The following LSAMP variants were observed in gnomAD, a reference collection of about 807,000 sequenced individuals.
The protein encoded by LSAMP is limbic system associated membrane protein.
Under a neutral mutation model 38.6 loss-of-function variants are expected in LSAMP, and 7 were observed. The ratio of observed to expected loss-of-function variants is 0.18; its 90% CI spans 0.10 to 0.34. LSAMP has a LOEUF of 0.34. LSAMP is among the 10% of genes least tolerant of loss of function. The pLI is 1.00. For missense variants in LSAMP, 313 were observed against 420.0 expected, an observed-to-expected ratio of 0.75 and a Z score of 2.23; for synonymous variants, 154 against 166.8, an observed-to-expected ratio of 0.92 and a Z score of 0.59.
chr3:115,951,821 T>G (rs1340950422), intron 3 of LSAMP, among the ~76,000 whole-genome samples: 1 of 152,010 alleles, frequency 6.6e-6, no homozygotes, highest in African/African-American at 2.4e-5. Context: ...TCTGATTGTG[T>G]GAGTCAATAC....
intron 6 of LSAMP, among the ~76,000 whole-genome samples, chr3:115,820,280 C>G (rs1402273499): frequency 1.3e-5 from 2 of 152,184 alleles, no homozygotes; most frequent in African/African-American, 4.8e-5. Flanking sequence ...AGACTTCTAA[C>G]TAAATATTAA....
chr3:116,336,897 T>C (rs2047926341), intron 1 of LSAMP, among the ~76,000 whole-genome samples: 3 of 151,790 alleles, frequency 2.0e-5, no homozygotes, highest in Non-Finnish European at 4.4e-5. Flanking sequence ...ATGCAAGTGT[T>C]CATTAAAAAA....
Position 115,884,781 on chromosome 3 carries a change from C to A in LSAMP, c.515-32164G>T, listed in dbSNP as rs1056839410. On this transcript the variant is annotated intron_variant, in intron 3 of 6. Coordinates refer to ENST00000490035, the MANE Select transcript of LSAMP (RefSeq NM_002338.5). ...AAACAATCTAACAAACACACATATT[C>A]ACTAACAAGATGGACCTGGAAGTCA... Among the ~76,000 whole-genome samples, 6 of 152,062 alleles carry A rather than the reference C, an allele frequency of 3.9e-5. No homozygotes were observed. The East Asian group carries it at 5.8e-4, about 15-fold the overall frequency.
At chr3:116,263,764 C>T (rs1343839521) in intron 1 of LSAMP, among the ~76,000 whole-genome samples, 1 of 152,008 alleles carries the variant, frequency 6.6e-6, no homozygotes, top group African/African-American at 2.4e-5. Flanking sequence ...TGGTTATATC[C>T]ACTAATATCA....
At chr3:116,001,454 A>C (rs1939991556) in intron 3 of LSAMP, among the ~76,000 whole-genome samples, 1 of 152,186 alleles carries the variant, frequency 6.6e-6, no homozygotes, top group African/African-American at 2.4e-5. Flanking sequence ...AAGAACTCTG[A>C]GGGGAAACTG....
At chr3:116,268,013 T>C (rs991274801) in intron 1 of LSAMP, among the ~76,000 whole-genome samples, 2 of 152,180 alleles carry the variant, frequency 1.3e-5, no homozygotes, top group East Asian at 1.9e-4. Flanking sequence ...TTAAATGATA[T>C]GCCAGGGCAA....
chr3:116,284,228 G>T (rs1457272164), intron 1 of LSAMP, among the ~76,000 whole-genome samples: 1 of 152,102 alleles, frequency 6.6e-6, no homozygotes, highest in Non-Finnish European at 1.5e-5. Flanking sequence ...GCCTGAAGTT[G>T]CTTACCTGTA....
intron 1 of LSAMP, among the ~76,000 whole-genome samples, chr3:116,341,206 ATTAAC>A (rs1304598698): frequency 1.3e-5 from 2 of 152,062 alleles, no homozygotes; most frequent in African/African-American, 4.8e-5. Context: ...TGTAATCCAA[ATTAAC>A]TTAGGTAATT....
chr3:116,203,759 C>T (rs2046025023), intron 1 of LSAMP, among the ~76,000 whole-genome samples: 1 of 151,914 alleles, frequency 6.6e-6, no homozygotes, highest in South Asian at 2.1e-4. Context: ...CATAGTATTC[C>T]ATGGTGTATA....
At chr3:115,909,197 A>G (rs1361411847) in intron 3 of LSAMP, among the ~76,000 whole-genome samples, 1 of 152,106 alleles carries the variant, frequency 6.6e-6, no homozygotes, top group Non-Finnish European at 1.5e-5. Context: ...CAGGCATCCC[A>G]AAGACACAGA....
chr3:116,166,848 T>C (rs1710065514), intron 1 of LSAMP, among the ~76,000 whole-genome samples: 2 of 146,664 alleles, frequency 1.4e-5, no homozygotes, highest in African/African-American at 2.5e-5. Context: ...TGGAGTGCAG[T>C]GGCGCGATCT....
At chr3:115,900,042 G>A (rs1268879516) in intron 3 of LSAMP, among the ~76,000 whole-genome samples, 2 of 152,118 alleles carry the variant, frequency 1.3e-5, no homozygotes, top group African/African-American at 4.8e-5. Context: ...AATTTTGGAT[G>A]TAGAATTACA....
intron 1 of LSAMP, among the ~76,000 whole-genome samples, chr3:116,220,513 C>A (rs911811274): frequency 1.3e-5 from 2 of 152,102 alleles, no homozygotes; most frequent in African/African-American, 4.8e-5. Context: ...ATTTAACAGT[C>A]ATTGGAAAAG....
chr3:116,124,403 G>C (rs1383972002), intron 1 of LSAMP, among the ~76,000 whole-genome samples: 1 of 152,130 alleles, frequency 6.6e-6, no homozygotes, highest in Non-Finnish European at 1.5e-5. Flanking sequence ...CACTGATCCA[G>C]TCTTTGAAAA....
intron 1 of LSAMP, among the ~76,000 whole-genome samples, chr3:116,388,321 GT>G (rs928862179): frequency 9.2e-5 from 14 of 152,106 alleles, no homozygotes; most frequent in African/African-American, 3.1e-4. Flanking sequence ...GTGATGTTGA[GT>G]GTTTTTTGTT....
At chr3:116,222,662 AG>A (rs1487044733) in intron 1 of LSAMP, among the ~76,000 whole-genome samples, 1 of 148,606 alleles carries the variant, frequency 6.7e-6, no homozygotes, top group East Asian at 2.0e-4. Flanking sequence ...GGCTCTCTGA[AG>A]GAAATCAACA....
intron 1 of LSAMP, among the ~76,000 whole-genome samples, chr3:116,130,868 T>C (rs1200999840): frequency 6.6e-6 from 1 of 152,028 alleles, no homozygotes; most frequent in Non-Finnish European, 1.5e-5. Context: ...TTCCTCCTCC[T>C]CCCTTTTCGA....
intron 1 of LSAMP, among the ~76,000 whole-genome samples, chr3:116,288,404 C>T (rs1221720966): frequency 6.6e-6 from 1 of 152,170 alleles, no homozygotes; most frequent in African/African-American, 2.4e-5. Context: ...TTAGCCAGTG[C>T]CTGCTCCCCC....
At chr3:116,362,783 G>T (rs1295392143) in intron 1 of LSAMP, among the ~76,000 whole-genome samples, 2 of 93,552 alleles carry the variant, frequency 2.1e-5, no homozygotes, top group Non-Finnish European at 3.9e-5. Flanking sequence ...CGAAATGAAG[G>T]CAGAAATAAA....
Sources: gnomAD v4.1 joint callset for allele counts (sites outside exome capture counted in the v4.1 genomes callset) on GRCh38, gnomAD v4.1.1 for gene constraint, MANE v1.5 for transcripts, NCBI Gene and HGNC (gene_info 2026-07-23, HGNC 2026-07-21) for gene names.